The following PSD3 variants were observed in gnomAD, a reference collection of about 807,000 sequenced individuals.
The protein encoded by PSD3 is PH and SEC7 domain-containing protein 3.
Under a neutral mutation model 105.5 loss-of-function variants are expected in PSD3, and 49 were observed. The ratio of observed to expected loss-of-function variants is 0.46; its 90% CI spans 0.37 to 0.59. The LOEUF (loss-of-function observed/expected upper bound fraction) is 0.59. Ranked by LOEUF, PSD3 falls within the 20% of genes least tolerant of loss-of-function variation. The pLI is 0.00. For missense variants in PSD3, 1,561 were observed against 1,263.8 expected, an observed-to-expected ratio of 1.24 and a Z score of -3.57; for synonymous variants, 557 against 457.8, an observed-to-expected ratio of 1.22 and a Z score of -2.77.
intron 1 of PSD3, chr8:18,979,798 G>C (rs1249211129): frequency 6.5e-6 from 1 of 153,548 alleles, no homozygotes; most frequent in Non-Finnish European, 1.5e-5. Context: ...ACAAATAAAA[G>C]AATATACTCT....
intron 9 of PSD3, among the ~76,000 whole-genome samples, chr8:18,667,802 G>T (rs940234597): frequency 1.3e-5 from 2 of 152,222 alleles, no homozygotes; most frequent in African/African-American, 2.4e-5. Context: ...GGCATGGCGG[G>T]CTGCAGAGCC....
At chr8:18,649,402 T>C (rs974537821) in intron 10 of PSD3, among the ~76,000 whole-genome samples, 1 of 152,372 alleles carries the variant, frequency 6.6e-6, no homozygotes, top group East Asian at 1.9e-4. Context: ...GCACAGTGCC[T>C]GTAGCCCCTT....
intron 1 of PSD3, among the ~76,000 whole-genome samples, chr8:19,056,669 G>A (rs186317320): frequency 3.0e-4 from 45 of 152,230 alleles, no homozygotes; most frequent in African/African-American, 1.0e-3. Context: ...AAACTCTGTC[G>A]CTGGTTTTCT....
chr8:18,634,522 C>T (rs1033726053), intron 10 of PSD3, among the ~76,000 whole-genome samples: 38 of 151,042 alleles, frequency 2.5e-4, no homozygotes, highest in Non-Finnish European at 4.9e-4. Flanking sequence ...ACTAGTTTAC[C>T]ATTTTTTTCT....
Position 18,616,623 on chromosome 8 carries a change from C to CT in PSD3, c.2410+15989dup, listed in dbSNP as rs1215460486. ...GCCAGGCCTCATCTTCCTCTCTTTT[C>CT]TTTTCTTTTTTTTTTTTTGAGACGG... is the stretch of plus-strand genomic sequence containing the variant. On this transcript the variant is annotated intron_variant, in intron 11 of 15. Coordinates refer to ENST00000327040, the MANE Select transcript of PSD3 (RefSeq NM_015310.4). Among the ~76,000 whole-genome samples the CT allele has an allele frequency of 6.1e-5, 6 of 98,552 alleles. 1 individual carries two copies. Among genetic ancestry groups the CT allele is most frequent in the Non-Finnish European group, 6.3e-5 (3 of 47,346 alleles). 64.7% of individuals were successfully genotyped at this position (98,552 alleles called of 152,430 possible). A position where few individuals can be genotyped will look rare whatever the true frequency, so the allele number is the denominator to read the frequency against.
chr8:18,576,561 G>T (rs1306140513), intron 12 of PSD3, among the ~76,000 whole-genome samples: 1 of 152,080 alleles, frequency 6.6e-6, no homozygotes, highest in Non-Finnish European at 1.5e-5. Flanking sequence ...ATTTTTCTCA[G>T]TAATTTAGCA....
intron 4 of PSD3, among the ~76,000 whole-genome samples, chr8:18,815,226 C>A (rs1368731366): frequency 6.6e-6 from 1 of 152,148 alleles, no homozygotes; most frequent in Admixed American, 6.5e-5. Flanking sequence ...AGAGGCTGAA[C>A]AAATATTTTC....
chr8:18,668,754 CACAT>C lies in PSD3; in HGVS notation c.2173-13073_2173-13070del, dbSNP rs370138857. Among the ~76,000 whole-genome samples, 3 of 152,194 alleles carry C rather than the reference CACAT, an allele frequency of 2.0e-5. No homozygotes were observed. The East Asian group carries it at 5.8e-4, about 29-fold the overall frequency. ...TAAAGTCAGTATTATGTGTATTGTT[CACAT>C]ACACACCTGTGTACATATTATTTTA... On this transcript the variant is annotated intron_variant, in intron 9 of 15. Transcript: ENST00000327040.
At chr8:18,672,379 T>G (rs958970515) in intron 9 of PSD3, among the ~76,000 whole-genome samples, 15 of 152,082 alleles carry the variant, frequency 9.9e-5, no homozygotes, top group African/African-American at 3.6e-4. Context: ...CTTTGACATT[T>G]AGAGAGAATG....
chr8:18,536,008 C>T (rs1045739197), intron 15 of PSD3, 50 bp from the exon 16 acceptor site: 1 of 1,543,566 alleles, frequency 6.5e-7, no homozygotes, highest in Non-Finnish European at 8.9e-7. Flanking sequence ...GTTCAAAATG[C>T]ACGTGTGCAG....
intron 1 of PSD3, among the ~76,000 whole-genome samples, chr8:18,945,258 A>G (rs1019006076): frequency 6.6e-6 from 1 of 152,204 alleles, no homozygotes; most frequent in African/African-American, 2.4e-5. Flanking sequence ...GGATTAGCCA[A>G]GTGAACCCTA....
chr8:18,954,657 A>C (rs11775925), intron 1 of PSD3, among the ~76,000 whole-genome samples: 59,547 of 151,898 alleles, frequency 0.39, 11,854 homozygotes, highest in Non-Finnish European at 0.41. Flanking sequence ...TAACATCCTG[A>C]TGTAGTATTT....
intron 1 of PSD3, among the ~76,000 whole-genome samples, chr8:18,982,121 G>C (rs1231231186): frequency 6.6e-6 from 1 of 152,148 alleles, no homozygotes. Context: ...GTTATCATCT[G>C]AACAATGTTC....
intron 2 of PSD3, among the ~76,000 whole-genome samples, chr8:18,929,609 C>T (rs1035899501): frequency 2.0e-5 from 3 of 152,112 alleles, no homozygotes; most frequent in Admixed American, 1.3e-4. Context: ...AGGGAAGAGG[C>T]CTGCTAAGGA....
At chr8:18,755,152 G>A (rs986158405) in intron 9 of PSD3, among the ~76,000 whole-genome samples, 4 of 152,112 alleles carry the variant, frequency 2.6e-5, no homozygotes, top group African/African-American at 9.7e-5. Flanking sequence ...AACAAGGCCG[G>A]GTGCAGCAGC....
intron 1 of PSD3, among the ~76,000 whole-genome samples, chr8:18,978,506 T>C (rs1449693038): frequency 6.6e-6 from 1 of 152,190 alleles, no homozygotes; most frequent in Non-Finnish European, 1.5e-5. Context: ...CATGCACCTT[T>C]CAATTTGCCC....
chr8:18,980,868 G>A (rs565468707), intron 1 of PSD3, among the ~76,000 whole-genome samples: 1 of 152,276 alleles, frequency 6.6e-6, no homozygotes, highest in South Asian at 2.1e-4. Context: ...TTCCGCCACA[G>A]TGAACCTCTT....
rs931294932 is a variant in PSD3, at chr8:18,862,125, G to A, written c.1634+5549C>T. On this transcript the variant is annotated intron_variant, in intron 4 of 15. Transcript: ENST00000327040. ...ATTTAATGAGCTCCTACTGGGTACC[G>A]GACATTGTTAGGCCACTTGACTTTC... Among the ~76,000 whole-genome samples, 10 of 152,210 alleles carry A rather than the reference G, an allele frequency of 6.6e-5. No homozygotes were observed. In the East Asian group the frequency reaches 1.5e-3, roughly 23 times the overall value.
chr8:18,845,884 C>G (rs773912982), intron 4 of PSD3, among the ~76,000 whole-genome samples: 2 of 152,202 alleles, frequency 1.3e-5, no homozygotes, highest in Non-Finnish European at 2.9e-5. Flanking sequence ...ATAAACACAT[C>G]TAAATGAAAT....
Sources: gnomAD v4.1 joint callset for allele counts (sites outside exome capture counted in the v4.1 genomes callset) on GRCh38, gnomAD v4.1.1 for gene constraint, MANE v1.5 for transcripts, NCBI Gene and HGNC (gene_info 2026-07-23, HGNC 2026-07-21) for gene names.